SPTBN5: variants seen among roughly 807,000 people sequenced by gnomAD.
The protein encoded by SPTBN5 is spectrin beta chain, non-erythrocytic 5.
SPTBN5 carries 513 observed loss-of-function variants against 477.6 expected under a neutral mutation model. The observed-to-expected ratio is 1.07, with a 90% CI of 1.00 to 1.16. The LOEUF is 1.16. SPTBN5 is among the 50% of genes most tolerant of loss of function. The pLI is 0.00. For missense variants in SPTBN5, 5,062 were observed against 4,731.8 expected (o/e 1.07, Z -2.05); for synonymous variants, 2,169 against 2,011.7 (o/e 1.08, Z -2.09).
intron 16 of SPTBN5, 112 bp from the exon 17 acceptor site, chr15:41,878,741 A>C: frequency 2.5e-6 from 3 of 1,191,958 alleles, no homozygotes; most frequent in Non-Finnish European, 3.5e-6. Context: ...CTGACTCTCA[A>C]TGCCCACCCC....
intron 57 of SPTBN5, 112 bp from the exon 58 acceptor site, chr15:41,853,899 C>T (rs2065855655): frequency 1.6e-5 from 23 of 1,425,822 alleles, no homozygotes; most frequent in Non-Finnish European, 2.1e-5. Flanking sequence ...GCTGCACAAG[C>T]TGGGCCAAGT....
At position 41,856,467 on chromosome 15, in the gene SPTBN5, G is replaced by A. The variant is rs766320576; in HGVS notation, c.8940C>T (p.Ala2980=). 4 of 1,597,628 alleles carry A rather than the reference G, an allele frequency of 2.5e-6. No individual in the cohort carries two copies. Among genetic ancestry groups the A allele is most frequent in the Non-Finnish European group, 2.6e-6 (3 of 1,173,416 alleles). ...CCGCCTCTGCCCGCAGGTGGGCCAT[G>A]GCCTTCTCCAGCTGCTGCACCCGGG... is the stretch of plus-strand genomic sequence containing the variant. ...VAARVQQLEK[A]MAHLRAEAAR... is the part of the protein sequence containing the mutation. The change falls in exon 53 of 68, where the codon GCC becomes GCT. Residue 2980 remains alanine (A), a synonymous_variant. Transcript: ENST00000320955.
intron 58 of SPTBN5, 52 bp downstream of exon 58, chr15:41,853,530 A>ACC: frequency 6.5e-7 from 1 of 1,539,148 alleles, no homozygotes; most frequent in South Asian, 1.2e-5. Flanking sequence ...GAGCCAGGAT[A>ACC]CCCCCACCCC....
In SPTBN5 at chr15:41,857,655, C is replaced by T. The variant is rs547556400; in HGVS notation, c.8282G>A (p.Arg2761Gln). 25 of 1,593,498 alleles carry T rather than the reference C, an allele frequency of 1.6e-5. No individual in the cohort carries two copies. Among genetic ancestry groups the T allele is most frequent in the East Asian group, 1.1e-4 (5 of 43,944 alleles). The change falls in exon 50 of 68, where the codon CGA becomes CAA. Residue 2761 changes from arginine (R) to glutamine (Q), a missense_variant. Coordinates refer to ENST00000320955, the MANE Select transcript of SPTBN5 (RefSeq NM_016642.4). ...GHPASEAIQERLEELGALWGE... is the reference protein window; with the variant it reads ...GHPASEAIQEQLEELGALWGE... ...CCAGAGTGCTCCCAGCTCCTCCAGT[C>T]GCTCCTGGATGGCCTCCGAGGCTGG...
At chr15:41,848,689 AAC>A (rs1160551866) in intron 67 of SPTBN5, 61 bp from the exon 68 acceptor site, 4 of 1,594,186 alleles carry the variant, frequency 2.5e-6, no homozygotes, top group African/African-American at 2.7e-5. Flanking sequence ...TCTCCAAACA[AAC>A]ACACACTGGT....
At position 41,854,149 on chromosome 15, in the gene SPTBN5, C is replaced by T; in HGVS notation, c.9675G>A (p.Gln3225=). ...GGGCCGTCTTCTCCTGCATCCTTCC[C>T]TGGAGCTCAGCTGCTGCCTGCTGAA... is the stretch of plus-strand genomic sequence containing the variant. ...HSFQQAAAEL[Q]GRMQEKTALM... The change falls in exon 57 of 68, where the codon CAG becomes CAA. Residue 3225 remains glutamine (Q), a synonymous_variant. Coordinates refer to ENST00000320955, the MANE Select transcript of SPTBN5 (RefSeq NM_016642.4). 6.3e-7 allele frequency: 1 copy of T among 1,596,840 alleles called. No homozygotes were observed. Among genetic ancestry groups the T allele is most frequent in the South Asian group, 1.1e-5 (1 of 87,762 alleles).
rs918194315 is a variant in SPTBN5, at chr15:41,850,691, C to G, written c.10921+163G>C. ...TGATCTTGGGCAAGTTGCGTAACCT[C>G]TCCAGGACCTAAATTCTTTGAGGAA... On this transcript the variant is annotated intron_variant, in intron 66 of 67. Coordinates refer to ENST00000320955, the MANE Select transcript of SPTBN5 (RefSeq NM_016642.4). The G allele has an allele frequency of 6.0e-6, 4 of 669,982 alleles. No homozygotes were observed. The African/African-American group carries it at 7.2e-5, about 12-fold the overall frequency. The allele number at this position is 669,982 out of a possible 1,614,324, so 41.5% of individuals were successfully genotyped here. A position where few individuals can be genotyped will look rare whatever the true frequency, so the allele number is the denominator to read the frequency against.
At chr15:41,884,034 G>A (rs966863482) in intron 7 of SPTBN5, among the ~76,000 whole-genome samples, 3 of 151,810 alleles carry the variant, frequency 2.0e-5, no homozygotes, top group South Asian at 2.1e-4. Context: ...CGCCCAGGCC[G>A]GACTGCGGTG....
Position 41,861,887 on chromosome 15 carries a change from C to A in SPTBN5, c.7585G>T (p.Ala2529Ser). 1 of 1,607,970 alleles carries A rather than the reference C, an allele frequency of 6.2e-7. No homozygotes were observed. Reference protein sequence around the residue: ...LDSWTDSISLARSTGQQLLTA... With the variant: ...LDSWTDSISLSRSTGQQLLTA... ...AGCAGTTGCTGCCCAGTGCTTCGGGCCAGGCTGATGCTGTCTGTCCAGGAG... is the reference window on the plus strand; with the variant it reads ...AGCAGTTGCTGCCCAGTGCTTCGGGACAGGCTGATGCTGTCTGTCCAGGAG... The change falls in exon 45 of 68, where the codon GCC becomes TCC. Residue 2529 changes from alanine (A) to serine (S), a missense_variant. Transcript: ENST00000320955.
Position 41,866,052 on chromosome 15 carries a change from A to C in SPTBN5, c.6808T>G (p.Trp2270Gly). 1 of 1,554,602 alleles carries C rather than the reference A, an allele frequency of 6.4e-7. No individual in the cohort carries two copies. Among genetic ancestry groups the C allele is most frequent in the Non-Finnish European group, 8.7e-7 (1 of 1,149,466 alleles). Residue 2270 changes from tryptophan (W) to glycine (G), a missense_variant, in exon 38 of 68, where the codon TGG becomes GGG. Physicochemically the swap from Trp to Gly is radical, Grantham distance 184. Coordinates refer to ENST00000320955, the MANE Select transcript of SPTBN5 (RefSeq NM_016642.4). ...FLQRVDLAEA[W>G]IQEKEVKMNV... ...TGGGGCTACACCTTCTCCTGGATCCAGGCCTCTGCAAGGTCCACTCTCTGC... is the reference window on the plus strand; with the variant it reads ...TGGGGCTACACCTTCTCCTGGATCCCGGCCTCTGCAAGGTCCACTCTCTGC...
At chr15:41,857,521 A>T in intron 50 of SPTBN5, 27 bp from the exon 51 acceptor site, 1 of 1,603,010 alleles carries the variant, frequency 6.2e-7, no homozygotes, top group Non-Finnish European at 8.5e-7. Context: ...GGTAGGCAGG[A>T]GGGGAGTGTC....
chr15:41,871,196 C>T (rs1415001017), intron 29 of SPTBN5, among the ~76,000 whole-genome samples, 179 bp downstream of exon 29: 1 of 152,264 alleles, frequency 6.6e-6, no homozygotes, highest in Admixed American at 6.5e-5. Flanking sequence ...CACCTTCCTT[C>T]ACAGACCAGA....
intron 1 of SPTBN5, 120 bp downstream of exon 1, chr15:41,893,776 TCCA>T: frequency 1.8e-6 from 1 of 554,114 alleles, no homozygotes; most frequent in Non-Finnish European, 3.2e-6. Context: ...GCCAGGTCCC[TCCA>T]CCACAGTGAC....
rs1174855353 is a variant in SPTBN5, at chr15:41,883,435, T to A, written c.1572A>T (p.Gly524=). Residue 524 remains glycine, a synonymous_variant, in exon 8 of 68, where the codon GGA becomes GGT. Transcript: ENST00000320955. ...RWQRLLQHLQ[G]QRKQVADMQA... is the part of the protein sequence containing the mutation. ...GCATGTCTGCCACCTGCTTCCTCTGTCCCTGTAGATGCTGAAGGAGCCTCT... is the reference window on the plus strand; with the variant it reads ...GCATGTCTGCCACCTGCTTCCTCTGACCCTGTAGATGCTGAAGGAGCCTCT... 6.2e-7 allele frequency: 1 copy of A among 1,613,824 alleles called. No homozygotes were observed. Among genetic ancestry groups the A allele is most frequent in the Non-Finnish European group, 8.5e-7 (1 of 1,179,890 alleles).
In SPTBN5 at chr15:41,855,262, C is replaced by CG. The variant is rs1567184905; in HGVS notation, c.9384dup (p.Glu3129ArgfsTer20). On this transcript the variant is annotated frameshift_variant, in exon 55 of 68. Transcript: ENST00000320955. LOFTEE classifies it high-confidence loss of function. ...AGGTCCTGCCCGTAGTCCTGGGACT[C>CG]GGCGGTGGCCGCCTTGGTGGTCAGC... 6.2e-7 allele frequency: 1 copy of CG among 1,612,458 alleles called. No individual in the cohort carries two copies. Among genetic ancestry groups the CG allele is most frequent in the Non-Finnish European group, 8.5e-7 (1 of 1,179,714 alleles).
In SPTBN5 at chr15:41,848,435, C is replaced by T. The variant is rs2065626934; in HGVS notation, c.*181G>A. The T allele has an allele frequency of 4.3e-6, 3 of 699,284 alleles. No homozygotes were observed. Among genetic ancestry groups the T allele is most frequent in the Non-Finnish European group, 7.6e-6 (3 of 392,690 alleles). 43.3% of individuals were successfully genotyped at this position (699,284 alleles called of 1,614,324 possible). A position where few individuals can be genotyped will look rare whatever the true frequency, so the allele number is the denominator to read the frequency against. On this transcript the variant is annotated 3_prime_UTR_variant, in exon 68 of 68. Transcript: ENST00000320955. Reference sequence around the variant, plus strand: ...GGGGAGGCCAGGCAATGGCTGTTTCCTGCCACATGGTAGGACCCATCTAAC... The same window carrying T: ...GGGGAGGCCAGGCAATGGCTGTTTCTTGCCACATGGTAGGACCCATCTAAC...
rs184846321 is a variant in SPTBN5 at position 41,871,362 on chromosome 15, G to T, written c.5447+13C>A. ...CCCAAACCCCATGCTGGCCTGGCCCGTTGGGCACTCACTGCAGATCCTGCT... is the reference window on the plus strand; with the variant it reads ...CCCAAACCCCATGCTGGCCTGGCCCTTTGGGCACTCACTGCAGATCCTGCT... On this transcript the variant is annotated intron_variant, in intron 29 of 67. Transcript: ENST00000320955. 1 of 1,411,164 alleles carries T rather than the reference G, an allele frequency of 7.1e-7. No individual in the cohort carries two copies. The highest frequency in any genetic ancestry group is 9.3e-7 in the Non-Finnish European group (1 of 1,080,154). The allele number at this position is 1,411,164 out of a possible 1,614,324, so 87.4% of individuals were successfully genotyped here. A position where few individuals can be genotyped will look rare whatever the true frequency, so the allele number is the denominator to read the frequency against.
chr15:41,882,108 C>T lies in SPTBN5; in HGVS notation c.2285G>A (p.Arg762His), dbSNP rs1295782637. ...TCTCTCCAGCGAGGATCGCCGCTCG[C>T]GCAGCCACGAAGCCGCCTCCGCCGC... ...ADAAEAASWLRERRSSLERAS... is the reference protein window; with the variant it reads ...ADAAEAASWLHERRSSLERAS... Residue 762 changes from arginine (R) to histidine (H), a missense_variant, in exon 12 of 68, where the codon CGC becomes CAC. Transcript: ENST00000320955. 1.3e-6 allele frequency: 2 copies of T among 1,573,970 alleles called. No individual in the cohort carries two copies.
chr15:41,848,772 A>T (rs1184871859), intron 67 of SPTBN5, 144 bp from the exon 68 acceptor site: 3 of 987,674 alleles, frequency 3.0e-6, no homozygotes, highest in Non-Finnish European at 4.8e-6. Context: ...GCTGACTGAC[A>T]GGCGCTGCAG....
Sources: allele counts gnomAD v4.1 joint callset (sites outside exome capture counted in the v4.1 genomes callset), GRCh38; gene constraint gnomAD v4.1.1; transcripts MANE v1.5; gene names NCBI Gene and HGNC (gene_info 2026-07-23, HGNC 2026-07-21).